The following CNTN1 variants were observed in gnomAD, a reference collection of about 807,000 sequenced individuals.
The protein encoded by CNTN1 is contactin-1.
In CNTN1, 38 loss-of-function variants were observed where a neutral mutation model predicts 126.4. The observed-to-expected ratio is 0.30, with a 90% CI of 0.23 to 0.39. CNTN1 has a LOEUF of 0.39. CNTN1 is among the 10% of genes least tolerant of loss of function. The pLI is 1.00. For missense variants in CNTN1, 1,009 were observed against 1,248.4 expected (o/e 0.81, Z 2.89); for synonymous variants, 413 against 422.6 (o/e 0.98, Z 0.28).
chr12:40,732,635 ATC>A (rs1942529193), intron 1 of CNTN1, among the ~76,000 whole-genome samples: 1 of 152,048 alleles, frequency 6.6e-6, no homozygotes, highest in Non-Finnish European at 1.5e-5. Flanking sequence ...GAACATTGAA[ATC>A]CATATTTGCT....
intron 1 of CNTN1, among the ~76,000 whole-genome samples, chr12:40,872,571 C>CTTTTTTTTTTTTTT (rs35866838): frequency 2.8e-5 from 3 of 108,616 alleles, no homozygotes; most frequent in Admixed American, 1.1e-4. Flanking sequence ...TTTTTTCTTT[C>CTTTTTTTTTTTTTT]TTTTTTTTTT....
intron 7 of CNTN1, among the ~76,000 whole-genome samples, chr12:40,930,993 C>T (rs1418479235): frequency 6.6e-6 from 1 of 151,868 alleles, no homozygotes; most frequent in African/African-American, 2.4e-5. Flanking sequence ...TGCAATTCAG[C>T]ACTTCTATTT....
chr12:40,976,219 A>T (rs1947665664), intron 15 of CNTN1, among the ~76,000 whole-genome samples: 1 of 152,092 alleles, frequency 6.6e-6, no homozygotes, highest in African/African-American at 2.4e-5. Flanking sequence ...TTTTCCCCTA[A>T]CTTCAGATCT....
chr12:40,909,974 T>C, intron 2 of CNTN1, 99 bp from the exon 3 acceptor site: 2 of 878,518 alleles, frequency 2.3e-6, no homozygotes, highest in African/African-American at 1.6e-5. Flanking sequence ...GCCACTACTC[T>C]CATTCCATTG....
intron 1 of CNTN1, among the ~76,000 whole-genome samples, chr12:40,797,701 A>C (rs1344806161): frequency 6.6e-6 from 1 of 152,094 alleles, no homozygotes; most frequent in African/African-American, 2.4e-5. Flanking sequence ...AGTTTATTGC[A>C]ATCATTCAAG....
chr12:40,833,572 TAA>T (rs34552699), intron 1 of CNTN1, among the ~76,000 whole-genome samples: 44 of 151,524 alleles, frequency 2.9e-4, no homozygotes, highest in Middle Eastern at 3.4e-3. Context: ...TCTTTTTTCT[TAA>T]AAAAAAAAAT....
chr12:40,859,346 G>A (rs564594137), intron 1 of CNTN1, among the ~76,000 whole-genome samples: 1 of 151,978 alleles, frequency 6.6e-6, no homozygotes, highest in Non-Finnish European at 1.5e-5. Flanking sequence ...CTCATCAATT[G>A]TAACAAAAGC....
chr12:40,753,644 A>C, intron 1 of CNTN1, among the ~76,000 whole-genome samples: 1 of 152,128 alleles, frequency 6.6e-6, no homozygotes, highest in Non-Finnish European at 1.5e-5. Context: ...CCCATGATTC[A>C]GTTACCTCCC....
intron 1 of CNTN1, among the ~76,000 whole-genome samples, chr12:40,714,341 T>A (rs1048361919): frequency 8.5e-5 from 13 of 152,186 alleles, no homozygotes; most frequent in Non-Finnish European, 1.6e-4. Flanking sequence ...CTTACACAAA[T>A]GATCCCATAT....
At chr12:40,718,330 G>A (rs1435532119) in intron 1 of CNTN1, among the ~76,000 whole-genome samples, 1 of 151,926 alleles carries the variant, frequency 6.6e-6, no homozygotes, top group Non-Finnish European at 1.5e-5. Context: ...TACCATGCCC[G>A]GCTAATTTTT....
chr12:40,933,915 A>C, intron 9 of CNTN1, 37 bp downstream of exon 9: 1 of 1,540,550 alleles, frequency 6.5e-7, no homozygotes, highest in Non-Finnish European at 8.9e-7. Flanking sequence ...AAATTTCATC[A>C]GTATCTTATT....
chr12:40,754,574 G>A (rs1157484358), intron 1 of CNTN1, among the ~76,000 whole-genome samples: 1 of 151,962 alleles, frequency 6.6e-6, no homozygotes, highest in African/African-American at 2.4e-5. Flanking sequence ...CATATACAGA[G>A]AGCAACTGTA....
At chr12:40,913,665 G>A (rs7305101) in intron 3 of CNTN1, among the ~76,000 whole-genome samples, 98,499 of 152,034 alleles carry the variant, frequency 0.65, 32,869 homozygotes, top group African/African-American at 0.82. Context: ...ATTCCTGGAA[G>A]TAAAATAGAA....
chr12:40,916,060 A>G (rs1243711349), intron 3 of CNTN1, among the ~76,000 whole-genome samples: 3 of 152,126 alleles, frequency 2.0e-5, no homozygotes, highest in Admixed American at 6.6e-5. Context: ...AGTACTTAGA[A>G]GATCTTTATG....
chr12:40,713,075 T>C (rs745999636), intron 1 of CNTN1, among the ~76,000 whole-genome samples: 7 of 152,172 alleles, frequency 4.6e-5, no homozygotes, highest in Non-Finnish European at 7.4e-5. Flanking sequence ...ATTTGGCTCA[T>C]GGTTCTGCAA....
intron 1 of CNTN1, among the ~76,000 whole-genome samples, chr12:40,872,230 G>C (rs1158024282): frequency 6.7e-6 from 1 of 148,176 alleles, no homozygotes; most frequent in African/African-American, 2.6e-5. Context: ...GTGTGTGTGT[G>C]TGTGTGTGTG....
chr12:40,912,053 A>G lies in CNTN1; in HGVS notation c.94+1948A>G, dbSNP rs548109978. 3.9e-5 allele frequency among the ~76,000 whole-genome samples: 6 copies of G among 152,362 alleles called. No individual in the cohort carries two copies. The South Asian group carries it at 1.2e-3, about 32-fold the overall frequency. Reference sequence around the variant, plus strand: ...AGTTATATCCAATATGTCATCCAGCATATATAATAGTTTTTAATGATTATT... The same window carrying G: ...AGTTATATCCAATATGTCATCCAGCGTATATAATAGTTTTTAATGATTATT... On this transcript the variant is annotated intron_variant, in intron 3 of 23. Coordinates refer to ENST00000551295, the MANE Select transcript of CNTN1 (RefSeq NM_001843.4).
chr12:40,868,814 C>A (rs1943391885), intron 1 of CNTN1, among the ~76,000 whole-genome samples: 1 of 152,116 alleles, frequency 6.6e-6, no homozygotes, highest in African/African-American at 2.4e-5. Context: ...TTTCTCTTCC[C>A]AGCAGCTGTA....
chr12:40,712,330 T>G (rs1004937728), intron 1 of CNTN1, among the ~76,000 whole-genome samples: 1 of 152,212 alleles, frequency 6.6e-6, no homozygotes, highest in Non-Finnish European at 1.5e-5. Context: ...CAGTTGATGT[T>G]GTGCTAGGCC....
Sources: gnomAD v4.1 joint callset for allele counts (sites outside exome capture counted in the v4.1 genomes callset) on GRCh38, gnomAD v4.1.1 for gene constraint, MANE v1.5 for transcripts, NCBI Gene and HGNC (gene_info 2026-07-23, HGNC 2026-07-21) for gene names.